Variants in PRKG1 observed in about 807,000 individuals in gnomAD.
PRKG1 encodes cGMP-dependent protein kinase 1.
PRKG1 carries 35 observed loss-of-function variants against 88.1 expected under a neutral mutation model. The ratio of observed to expected loss-of-function variants is 0.40; its 90% CI spans 0.30 to 0.53. The LOEUF (loss-of-function observed/expected upper bound fraction) is 0.53, where lower values mean the gene tolerates loss of function less well. Among genes scored for constraint, PRKG1 ranks in the 20% least tolerant of loss-of-function variants. The pLI is 0.59. For missense variants in PRKG1, 540 were observed against 839.8 expected (o/e 0.64, Z 4.41); for synonymous variants, 303 against 292.5 (o/e 1.04, Z -0.37).
chr10:51,532,233 T>C (rs1842036578), intron 3 of PRKG1, among the ~76,000 whole-genome samples: 1 of 152,158 alleles, frequency 6.6e-6, no homozygotes, highest in Non-Finnish European at 1.5e-5. Flanking sequence ...ATTGTTTCAG[T>C]GGGTTGTGGT....
intron 5 of PRKG1, among the ~76,000 whole-genome samples, chr10:52,041,699 C>T (rs1294974876): frequency 2.6e-5 from 4 of 151,996 alleles, no homozygotes; most frequent in East Asian, 1.9e-4. Flanking sequence ...ACTGAATCTT[C>T]GTAAGTTGTA....
In PRKG1 at chr10:51,495,075, G is replaced by A. The variant is rs149431264; in HGVS notation, c.592+27239G>A. ...AAATTAAAATTGTGTTCAAGTCCATGGGATGTACCAATGTGATATCTGAAT... is the reference window on the plus strand; with the variant it reads ...AAATTAAAATTGTGTTCAAGTCCATAGGATGTACCAATGTGATATCTGAAT... On this transcript the variant is annotated intron_variant, in intron 3 of 17. Transcript: ENST00000373980. Among the ~76,000 whole-genome samples, 57 of 152,138 alleles carry A rather than the reference G, an allele frequency of 3.7e-4. No individual in the cohort carries two copies. In the East Asian group the frequency reaches 9.8e-3, roughly 26 times the overall value.
chr10:52,138,890 T>C (rs1223678794), intron 8 of PRKG1, among the ~76,000 whole-genome samples: 2 of 152,090 alleles, frequency 1.3e-5, no homozygotes, highest in African/African-American at 2.4e-5. Context: ...TATTTAAAAA[T>C]GTACCAAGAC....
intron 9 of PRKG1, among the ~76,000 whole-genome samples, chr10:52,188,611 CACTAT>C (rs1839282981): frequency 1.3e-5 from 2 of 152,164 alleles, no homozygotes; most frequent in South Asian, 4.1e-4. Context: ...AATTCATTTA[CACTAT>C]TCATTATAAT....
chr10:51,623,023 C>T (rs1324292486), intron 3 of PRKG1, among the ~76,000 whole-genome samples: 3 of 152,194 alleles, frequency 2.0e-5, no homozygotes, highest in African/African-American at 4.8e-5. Flanking sequence ...CAAAACAATA[C>T]ATCACAATCA....
intron 13 of PRKG1, 90 bp from the exon 14 acceptor site, chr10:52,282,063 A>G (rs1842013620): frequency 8.1e-7 from 1 of 1,233,382 alleles, no homozygotes; most frequent in Non-Finnish European, 1.1e-6. Context: ...TTTTTAAATT[A>G]TTATCATCAT....
intron 3 of PRKG1, among the ~76,000 whole-genome samples, chr10:51,732,044 T>TTCCG (rs1842283260): frequency 7.6e-6 from 1 of 131,028 alleles, no homozygotes. Flanking sequence ...CTTTCCTTCC[T>TTCCG]TCCTTCCTTC....
At chr10:51,370,613 T>C (rs376501936) in intron 2 of PRKG1, among the ~76,000 whole-genome samples, 1 of 151,484 alleles carries the variant, frequency 6.6e-6, no homozygotes, top group Non-Finnish European at 1.5e-5. Context: ...CAGTGACCAA[T>C]AGGAATACAA....
intron 3 of PRKG1, among the ~76,000 whole-genome samples, chr10:51,668,104 C>G (rs78776713): frequency 7.2e-4 from 109 of 152,232 alleles, no homozygotes; most frequent in Non-Finnish European, 8.5e-4. Context: ...GAGAGAAGAA[C>G]ATTGTGCCTA....
At chr10:51,325,208 C>A (rs1841558569) in intron 2 of PRKG1, among the ~76,000 whole-genome samples, 1 of 151,924 alleles carries the variant, frequency 6.6e-6, no homozygotes, top group South Asian at 2.1e-4. Context: ...GGTCTTTTAC[C>A]CACTTTTAAA....
rs189392347 is a variant in PRKG1 at position 51,946,790 on chromosome 10, C to T, written c.762+39220C>T. ...CAGAAGAGCGGATTTTCATGAACCG[C>T]GAATGCTGCTGTGTGATCGTTCCTC... On this transcript the variant is annotated intron_variant, in intron 5 of 17. Transcript: ENST00000373980. Among the ~76,000 whole-genome samples the T allele has an allele frequency of 1.9e-3, 283 of 152,082 alleles. 4 individuals are homozygous for T. Among genetic ancestry groups the T allele is most frequent in the Admixed American group, 4.0e-3 (61 of 15,288 alleles).
intron 2 of PRKG1, among the ~76,000 whole-genome samples, chr10:51,323,325 G>C (rs148064728): frequency 6.6e-6 from 1 of 152,102 alleles, no homozygotes; most frequent in East Asian, 1.9e-4. Flanking sequence ...AAGGCAAGAA[G>C]TTGTTTTTGT....
intron 4 of PRKG1, among the ~76,000 whole-genome samples, chr10:51,899,668 A>AATATAT (rs1156671263): frequency 5.2e-4 from 28 of 54,274 alleles, no homozygotes; most frequent in Admixed American, 6.6e-4. Context: ...AAAAAAGAAA[A>AATATAT]ATGTATATAT....
intron 3 of PRKG1, among the ~76,000 whole-genome samples, chr10:51,535,747 C>T (rs1401705304): frequency 7.2e-5 from 10 of 138,008 alleles, no homozygotes; most frequent in South Asian, 4.6e-4. Context: ...TTTTTTTAAA[C>T]GGAGTCTCAC....
intron 7 of PRKG1, among the ~76,000 whole-genome samples, chr10:52,125,030 T>C (rs1443880650): frequency 6.6e-6 from 1 of 152,198 alleles, no homozygotes; most frequent in African/African-American, 2.4e-5. Flanking sequence ...ATTAAGCCCT[T>C]TTCTTTTTTT....
At chr10:52,039,591 T>A (rs952498044) in intron 5 of PRKG1, among the ~76,000 whole-genome samples, 3 of 152,076 alleles carry the variant, frequency 2.0e-5, no homozygotes, top group African/African-American at 7.2e-5. Context: ...ACTGTACCAG[T>A]TAGTACGTAT....
chr10:51,573,759 C>T lies in PRKG1; in HGVS notation c.592+105923C>T, dbSNP rs370786930. ...GCAGAAATACTTTACATGTTGAACT[C>T]GGTAAAAGTCTTTCTGTTTATGCTC... is the stretch of plus-strand genomic sequence containing the variant. On this transcript the variant is annotated intron_variant, in intron 3 of 17. Coordinates refer to ENST00000373980, the MANE Select transcript of PRKG1 (RefSeq NM_006258.4). 2.6e-5 allele frequency among the ~76,000 whole-genome samples: 4 copies of T among 151,744 alleles called. No individual in the cohort carries two copies. In the South Asian group the frequency reaches 8.3e-4, roughly 31 times the overall value.
chr10:51,815,937 C>G (rs984259396), intron 4 of PRKG1, among the ~76,000 whole-genome samples: 13 of 152,208 alleles, frequency 8.5e-5, no homozygotes, highest in Middle Eastern at 3.4e-3. Flanking sequence ...GTGAACACTC[C>G]CTTTACCAAA....
intron 1 of PRKG1, among the ~76,000 whole-genome samples, chr10:51,086,212 G>A (rs1483609751): frequency 6.6e-6 from 1 of 152,186 alleles, no homozygotes; most frequent in Non-Finnish European, 1.5e-5. Flanking sequence ...CTGTGAATGA[G>A]TTATCTTTTT....
Sources: allele counts gnomAD v4.1 joint callset (sites outside exome capture counted in the v4.1 genomes callset), GRCh38; gene constraint gnomAD v4.1.1; transcripts MANE v1.5; gene names NCBI Gene and HGNC (gene_info 2026-07-23, HGNC 2026-07-21).